The following PTBP2 variants were observed in gnomAD, a reference collection of about 807,000 sequenced individuals.
PTBP2 encodes the protein polypyrimidine tract binding protein 2.
Under a neutral mutation model 61.4 loss-of-function variants are expected in PTBP2, and 13 were observed. The observed-to-expected ratio is 0.21, with a 90% CI of 0.14 to 0.34. The LOEUF is 0.34. PTBP2 is among the 10% of genes least tolerant of loss of function. The pLI, the probability that PTBP2 is intolerant of heterozygous loss-of-function variation, is 1.00. For synonymous variants in PTBP2, 215 were observed against 218.5 expected (o/e 0.98, Z 0.14); for missense variants, 405 against 642.6 (o/e 0.63, Z 4.00).
chr1:96,771,401 T>C (rs558630574), intron 5 of PTBP2: 1 of 152,108 alleles, frequency 6.6e-6, no homozygotes, highest in South Asian at 2.1e-4. Flanking sequence ...TCTAAAACTT[T>C]AGCTGTTTTA....
At chr1:96,749,605 T>C in intron 2 of PTBP2, 1 of 454,886 alleles carries the variant, frequency 2.2e-6, no homozygotes. Flanking sequence ...GGGGCAAACT[T>C]TGATTTTGTA....
intron 8 of PTBP2, among the ~76,000 whole-genome samples, chr1:96,793,616 C>A (rs1660079987): frequency 1.3e-5 from 2 of 152,082 alleles, no homozygotes; most frequent in African/African-American, 4.8e-5. Context: ...CGTGATCCGC[C>A]CACCTTGGTC....
At chr1:96,797,425 CAAGGG>C (rs1277211492) in intron 8 of PTBP2, among the ~76,000 whole-genome samples, 1 of 152,046 alleles carries the variant, frequency 6.6e-6, no homozygotes, top group Non-Finnish European at 1.5e-5. Context: ...AATAAGAACT[CAAGGG>C]AAGGTTGGTG....
intron 2 of PTBP2, among the ~76,000 whole-genome samples, chr1:96,740,269 A>G (rs888630136): frequency 3.9e-5 from 6 of 152,228 alleles, no homozygotes; most frequent in African/African-American, 1.4e-4. Context: ...TCCAAGATCA[A>G]GGTACCAGCA....
intron 3 of PTBP2, among the ~76,000 whole-genome samples, chr1:96,767,951 TA>T (rs1656927048): frequency 6.6e-6 from 1 of 152,050 alleles, no homozygotes; most frequent in African/African-American, 2.4e-5. Flanking sequence ...AAAGACAACC[TA>T]AGGGGATTTT....
chr1:96,795,896 A>G (rs544188813), intron 8 of PTBP2, among the ~76,000 whole-genome samples: 71 of 152,268 alleles, frequency 4.7e-4, no homozygotes, highest in African/African-American at 1.7e-3. Context: ...ACATAATGAT[A>G]ATAATCCCTT....
intron 2 of PTBP2, among the ~76,000 whole-genome samples, chr1:96,745,229 C>T (rs1476506120): frequency 6.6e-6 from 1 of 151,350 alleles, no homozygotes; most frequent in African/African-American, 2.4e-5. Flanking sequence ...GTGGTGTCAT[C>T]TCGGCTCACA....
chr1:96,727,192 T>A (rs1650690868), intron 2 of PTBP2, among the ~76,000 whole-genome samples: 1 of 152,256 alleles, frequency 6.6e-6, no homozygotes, highest in Non-Finnish European at 1.5e-5. Context: ...CCACTCAGAA[T>A]AATTATTTTG....
intron 8 of PTBP2, 48 bp downstream of exon 8, chr1:96,785,302 G>C: frequency 7.1e-7 from 1 of 1,408,856 alleles, no homozygotes; most frequent in East Asian, 2.5e-5. Flanking sequence ...TTGCCAAATG[G>C]AAAAGTACCA....
rs568011089 is a variant in PTBP2 at position 96,775,500 on chromosome 1, A to G, written c.433-2085A>G. ...CTGCAAAACATGGGTAGTGTACATC[A>G]TAATTATTGGAAGAAGCCAAACCAA... On this transcript the variant is annotated intron_variant, in intron 5 of 13. Coordinates refer to ENST00000674951, the MANE Select transcript of PTBP2 (RefSeq NM_021190.4). Among the ~76,000 whole-genome samples the G allele has an allele frequency of 3.3e-5, 5 of 152,318 alleles. No homozygotes were observed. In the South Asian group the frequency reaches 1.0e-3, roughly 32 times the overall value.
At chr1:96,755,963 T>C (rs1196683862) in intron 3 of PTBP2, among the ~76,000 whole-genome samples, 1 of 152,190 alleles carries the variant, frequency 6.6e-6, no homozygotes, top group Non-Finnish European at 1.5e-5. Flanking sequence ...TAAATACATA[T>C]ACACATCCTA....
At chr1:96,737,704 A>T (rs948729613) in intron 2 of PTBP2, among the ~76,000 whole-genome samples, 1 of 152,226 alleles carries the variant, frequency 6.6e-6, no homozygotes, top group African/African-American at 2.4e-5. Flanking sequence ...AGAGTAGTAG[A>T]AGACAAAATT....
intron 2 of PTBP2, among the ~76,000 whole-genome samples, chr1:96,733,330 A>G (rs1021950947): frequency 2.6e-5 from 4 of 152,160 alleles, no homozygotes; most frequent in African/African-American, 7.2e-5. Flanking sequence ...TAGAGGATAA[A>G]TGTTTAAATT....
exon 14 of PTBP2, chr1:96,821,625 A>G (rs1662687268): frequency 9.6e-6 from 1 of 103,822 alleles, no homozygotes; most frequent in Non-Finnish European, 2.7e-5. Context: ...ATTTGCTTTT[A>G]TTATTATTAT....
At chr1:96,746,344 T>G (rs1570763448) in intron 2 of PTBP2, among the ~76,000 whole-genome samples, 1 of 152,270 alleles carries the variant, frequency 6.6e-6, no homozygotes, top group South Asian at 2.1e-4. Context: ...GGTATTTAAT[T>G]TCTTAATTTT....
intron 2 of PTBP2, among the ~76,000 whole-genome samples, chr1:96,725,821 T>G (rs1456316927): frequency 6.6e-6 from 1 of 151,994 alleles, no homozygotes; most frequent in Non-Finnish European, 1.5e-5. Context: ...GGGTCACACC[T>G]GTAATCCCAG....
intron 8 of PTBP2, among the ~76,000 whole-genome samples, chr1:96,798,452 T>C (rs933781782): frequency 1.3e-5 from 2 of 152,180 alleles, no homozygotes; most frequent in East Asian, 3.9e-4. Context: ...CCACCACTAA[T>C]GCTCTTCTGT....
intron 2 of PTBP2, among the ~76,000 whole-genome samples, chr1:96,740,384 TG>T (rs1410490420): frequency 1.3e-5 from 2 of 152,100 alleles, no homozygotes; most frequent in African/African-American, 4.8e-5. Context: ...GGGGAGTGGG[TG>T]GCAGAAGCTC....
chr1:96,765,343 C>T (rs549746727), intron 3 of PTBP2, among the ~76,000 whole-genome samples: 7 of 152,184 alleles, frequency 4.6e-5, no homozygotes, highest in East Asian at 1.9e-4. Context: ...AAGGTTTTGC[C>T]GTGTCGTATT....
Sources: gnomAD v4.1 joint callset for allele counts (sites outside exome capture counted in the v4.1 genomes callset) on GRCh38, gnomAD v4.1.1 for gene constraint, MANE v1.5 for transcripts, NCBI Gene and HGNC (gene_info 2026-07-23, HGNC 2026-07-21) for gene names.